NRXN1: variants seen among roughly 807,000 people sequenced by gnomAD.
NRXN1 encodes the protein neurexin 1, also known as neurexin-1.
NRXN1 carries 39 observed loss-of-function variants against 150.9 expected under a neutral mutation model. The ratio of observed to expected loss-of-function variants is 0.26; its 90% CI spans 0.20 to 0.34. The LOEUF (loss-of-function observed/expected upper bound fraction) is 0.34, where lower values mean the gene tolerates loss of function less well. NRXN1 is among the 10% of genes least tolerant of loss of function. The pLI is 1.00. For missense variants in NRXN1, 1,815 were observed against 1,949.9 expected (o/e 0.93, Z 1.30); for synonymous variants, 924 against 757.0 (o/e 1.22, Z -3.62).
At chr2:50,946,338 C>A (rs1478126850) in intron 2 of NRXN1, among the ~76,000 whole-genome samples, 2 of 152,136 alleles carry the variant, frequency 1.3e-5, no homozygotes, top group Non-Finnish European at 2.9e-5. Context: ...CAGAGGCTCA[C>A]AGTGAATTAT....
intron 21 of NRXN1, among the ~76,000 whole-genome samples, chr2:50,016,019 T>G (rs1017402266): frequency 4.6e-5 from 7 of 152,190 alleles, no homozygotes; most frequent in Non-Finnish European, 8.8e-5. Context: ...AATTGTGAAG[T>G]GCAGTTTAGT....
chr2:50,161,865 G>T (rs1035047785), intron 18 of NRXN1, among the ~76,000 whole-genome samples: 2 of 152,138 alleles, frequency 1.3e-5, no homozygotes, highest in African/African-American at 2.4e-5. Context: ...AGGCAGGAAG[G>T]AAAGGAAAGA....
intron 21 of NRXN1, among the ~76,000 whole-genome samples, chr2:49,994,911 C>T (rs1224506665): frequency 1.3e-5 from 2 of 152,204 alleles, no homozygotes; most frequent in South Asian, 2.1e-4. Context: ...AAACAGGATT[C>T]TGTCACACCA....
At chr2:49,973,915 G>A in intron 21 of NRXN1, 1 of 699,884 alleles carries the variant, frequency 1.4e-6, no homozygotes, top group South Asian at 1.5e-5. Context: ...CTTAAACCCT[G>A]CATGCTGCAG....
intron 18 of NRXN1, among the ~76,000 whole-genome samples, chr2:50,220,450 T>C (rs2152857081): frequency 6.6e-6 from 1 of 152,098 alleles, no homozygotes; most frequent in Non-Finnish European, 1.5e-5. Context: ...AAATGCTTTT[T>C]CTGGCCCAGA....
chr2:50,965,186 G>A (rs1008114941), intron 2 of NRXN1, among the ~76,000 whole-genome samples: 2 of 151,176 alleles, frequency 1.3e-5, no homozygotes, highest in African/African-American at 4.8e-5. Context: ...ACGATATATT[G>A]TGTCATATGT....
chr2:50,427,018 T>A (rs2084549371), intron 17 of NRXN1, among the ~76,000 whole-genome samples: 1 of 152,198 alleles, frequency 6.6e-6, no homozygotes, highest in African/African-American at 2.4e-5. Flanking sequence ...AAATTTGCTA[T>A]GTCTTAGTGC....
chr2:50,582,804 A>G (rs1672494291), intron 8 of NRXN1, among the ~76,000 whole-genome samples: 1 of 152,130 alleles, frequency 6.6e-6, no homozygotes, highest in Admixed American at 6.6e-5. Flanking sequence ...GCTGAACCAT[A>G]TGGTTTCAGT....
intron 17 of NRXN1, among the ~76,000 whole-genome samples, chr2:50,404,157 T>C (rs1278162871): frequency 6.7e-6 from 1 of 149,436 alleles, no homozygotes. Flanking sequence ...TTGTTTAGTT[T>C]TTTTTTGTTT....
At chr2:50,163,581 A>T (rs2152790372) in intron 18 of NRXN1, among the ~76,000 whole-genome samples, 1 of 152,222 alleles carries the variant, frequency 6.6e-6, no homozygotes, top group Admixed American at 6.5e-5. Context: ...AAAATGTCTT[A>T]TATGGTTTTT....
intron 18 of NRXN1, among the ~76,000 whole-genome samples, chr2:50,197,273 C>G (rs1263990747): frequency 6.6e-6 from 1 of 152,086 alleles, no homozygotes; most frequent in Non-Finnish European, 1.5e-5. Context: ...GTCAAAAGCA[C>G]AGTGGGACAC....
Position 50,532,026 on chromosome 2 carries a change from C to CT in NRXN1, c.2144-597dup, listed in dbSNP as rs1303649644. ...ATGCCAGGCTAGCTTATTATTAATA[C>CT]TTTTTTCTAGAGATGGGTCTCCCTT... is the stretch of plus-strand genomic sequence containing the variant. On this transcript the variant is annotated intron_variant, in intron 10 of 22. Coordinates refer to ENST00000401669, the MANE Select transcript of NRXN1 (RefSeq NM_001330078.2). Among the ~76,000 whole-genome samples the CT allele has an allele frequency of 4.6e-5, 7 of 152,080 alleles. No homozygotes were observed. The South Asian group carries it at 6.2e-4, about 14-fold the overall frequency.
intron 5 of NRXN1, among the ~76,000 whole-genome samples, chr2:50,857,676 T>C (rs577728645): frequency 6.6e-6 from 1 of 152,200 alleles, no homozygotes; most frequent in East Asian, 1.9e-4. Context: ...TAGGTCAAGG[T>C]CTATTTTCTC....
At chr2:50,867,919 C>T (rs988732402) in intron 5 of NRXN1, among the ~76,000 whole-genome samples, 11 of 151,508 alleles carry the variant, frequency 7.3e-5, no homozygotes, top group Non-Finnish European at 1.5e-4. Context: ...GAACAAGATG[C>T]ACTTTTTGAA....
chr2:50,030,988 G>A (rs1044840997), intron 21 of NRXN1, among the ~76,000 whole-genome samples: 3 of 151,976 alleles, frequency 2.0e-5, no homozygotes, highest in African/African-American at 7.2e-5. Context: ...TTTGCAAATG[G>A]GGAGAGAGGG....
intron 17 of NRXN1, among the ~76,000 whole-genome samples, chr2:50,314,525 AT>A (rs1276706009): frequency 6.6e-6 from 1 of 151,930 alleles, no homozygotes; most frequent in African/African-American, 2.4e-5. Context: ...AGAAAAAAAA[AT>A]CATTCCATAT....
At chr2:50,177,558 A>G (rs775301999) in intron 18 of NRXN1, among the ~76,000 whole-genome samples, 47 of 151,930 alleles carry the variant, frequency 3.1e-4, no homozygotes, top group Non-Finnish European at 6.5e-4. Context: ...CTAAAATATT[A>G]TATTCTCAAA....
intron 19 of NRXN1, among the ~76,000 whole-genome samples, chr2:50,076,268 G>T (rs1376110796): frequency 6.6e-6 from 1 of 152,182 alleles, no homozygotes. Flanking sequence ...AAGTCTGACA[G>T]CCAAGAGAAA....
At chr2:50,562,197 G>A (rs1453036723) in intron 8 of NRXN1, among the ~76,000 whole-genome samples, 1 of 152,136 alleles carries the variant, frequency 6.6e-6, no homozygotes, top group Non-Finnish European at 1.5e-5. Flanking sequence ...CATAAGCTCA[G>A]TGAAGTTTCC....
Sources: allele counts gnomAD v4.1 joint callset (sites outside exome capture counted in the v4.1 genomes callset), GRCh38; gene constraint gnomAD v4.1.1; transcripts MANE v1.5; gene names NCBI Gene and HGNC (gene_info 2026-07-23, HGNC 2026-07-21).